The following RASAL2 variants were observed in gnomAD, a reference collection of about 807,000 sequenced individuals.
The protein encoded by RASAL2 is RAS protein activator like 2.
A neutral mutation model predicts 128.9 loss-of-function variants in RASAL2; 58 were observed. The ratio of observed to expected loss-of-function variants is 0.45; its 90% CI spans 0.36 to 0.56. The LOEUF (loss-of-function observed/expected upper bound fraction) is 0.56, where lower values mean the gene tolerates loss of function less well. RASAL2 is among the 20% of genes least tolerant of loss of function. The pLI is 0.00. For missense variants in RASAL2, 1,360 were observed against 1,601.6 expected (o/e 0.85, Z 2.57); for synonymous variants, 561 against 580.8 (o/e 0.97, Z 0.49).
intron 3 of RASAL2, among the ~76,000 whole-genome samples, chr1:178,343,263 T>C (rs1669975992): frequency 6.6e-6 from 1 of 152,180 alleles, no homozygotes; most frequent in Admixed American, 6.5e-5. Context: ...ATAGTTTCAT[T>C]ACTCCTCTCG....
intron 3 of RASAL2, chr1:178,372,113 C>T (rs1271345505): frequency 2.1e-6 from 2 of 949,558 alleles, no homozygotes; most frequent in Non-Finnish European, 2.5e-6. Flanking sequence ...CACATTTTCT[C>T]TTTCATCATT....
At chr1:178,159,050 A>C (rs1293414245) in intron 1 of RASAL2, among the ~76,000 whole-genome samples, 1 of 152,222 alleles carries the variant, frequency 6.6e-6, no homozygotes, top group Non-Finnish European at 1.5e-5. Flanking sequence ...CTTTGGAACC[A>C]ATAAAGTAAA....
chr1:178,338,857 A>G (rs1022867497), intron 3 of RASAL2, among the ~76,000 whole-genome samples: 2 of 152,206 alleles, frequency 1.3e-5, no homozygotes, highest in South Asian at 2.1e-4. Context: ...AAAAAAGCAC[A>G]TAAGTGGAAT....
intron 1 of RASAL2, among the ~76,000 whole-genome samples, chr1:178,255,407 A>G (rs1665289190): frequency 6.6e-6 from 1 of 152,188 alleles, no homozygotes; most frequent in East Asian, 1.9e-4. Flanking sequence ...ATAGAAACGT[A>G]ATATATCATA....
intron 1 of RASAL2, among the ~76,000 whole-genome samples, chr1:178,270,226 G>T (rs1422852574): frequency 6.6e-6 from 1 of 151,378 alleles, no homozygotes; most frequent in Non-Finnish European, 1.5e-5. Flanking sequence ...CAATTTTGCT[G>T]GACACTCGGG....
In RASAL2 at chr1:178,419,395, T is replaced by A. The variant is rs182257209; in HGVS notation, c.565-1116T>A. Among the ~76,000 whole-genome samples, 545 of 152,270 alleles carry A rather than the reference T, an allele frequency of 3.6e-3. 13 individuals are homozygous for A. The highest frequency in any genetic ancestry group is 9.0e-4 in the Non-Finnish European group (61 of 68,028). On this transcript the variant is annotated intron_variant, in intron 4 of 17. Coordinates refer to ENST00000367649, the MANE Select transcript of RASAL2 (RefSeq NM_170692.4). ...TTCAAGCAATCCTCCCACATCATCC[T>A]CCTGAGTAGCTGGGACTACAGGCAT...
intron 1 of RASAL2, among the ~76,000 whole-genome samples, chr1:178,167,971 A>G (rs2101905882): frequency 6.6e-6 from 1 of 152,158 alleles, no homozygotes; most frequent in Non-Finnish European, 1.5e-5. Context: ...TTACAAAAAT[A>G]ACAGTTCTTC....
At chr1:178,448,732 T>G (rs1677185576) in intron 9 of RASAL2, among the ~76,000 whole-genome samples, 1 of 152,174 alleles carries the variant, frequency 6.6e-6, no homozygotes, top group Non-Finnish European at 1.5e-5. Flanking sequence ...GACTATCTGC[T>G]TCTTTGAAAT....
intron 1 of RASAL2, among the ~76,000 whole-genome samples, chr1:178,238,014 G>GT (rs1374954654): frequency 6.6e-6 from 1 of 152,130 alleles, no homozygotes; most frequent in East Asian, 1.9e-4. Flanking sequence ...TTACAAAGCT[G>GT]TACAAGCACA....
At chr1:178,110,744 G>A (rs1419844640) in intron 1 of RASAL2, among the ~76,000 whole-genome samples, 1 of 150,132 alleles carries the variant, frequency 6.7e-6, no homozygotes, top group African/African-American at 2.4e-5. Flanking sequence ...ACACTACTAT[G>A]CCTGGCTAAT....
chr1:178,168,468 A>G lies in RASAL2; in HGVS notation c.202+73774A>G, dbSNP rs187240484. ...AGGATTGTTTTTTGTAAAGTACTTC[A>G]TGAAGGTTTGAAGTTTGTAATCAGA... is the stretch of plus-strand genomic sequence containing the variant. On this transcript the variant is annotated intron_variant, in intron 1 of 17. Coordinates refer to ENST00000367649, the MANE Select transcript of RASAL2 (RefSeq NM_170692.4). Among the ~76,000 whole-genome samples the G allele has an allele frequency of 3.3e-5, 5 of 151,986 alleles. No individual in the cohort carries two copies. In the East Asian group the frequency reaches 9.7e-4, roughly 29 times the overall value.
intron 4 of RASAL2, among the ~76,000 whole-genome samples, chr1:178,415,242 A>G (rs1674680690): frequency 6.6e-6 from 1 of 152,056 alleles, no homozygotes; most frequent in African/African-American, 2.4e-5. Flanking sequence ...ACTGCATACC[A>G]CAAAATTTAG....
intron 1 of RASAL2, among the ~76,000 whole-genome samples, chr1:178,181,828 G>A (rs1662121676): frequency 6.6e-6 from 1 of 151,716 alleles, no homozygotes; most frequent in Non-Finnish European, 1.5e-5. Flanking sequence ...TTTATTTACA[G>A]GGAGACACAA....
At chr1:178,347,520 CA>C (rs1670212799) in intron 3 of RASAL2, among the ~76,000 whole-genome samples, 1 of 152,022 alleles carries the variant, frequency 6.6e-6, no homozygotes, top group Non-Finnish European at 1.5e-5. Flanking sequence ...GCTCATTTTA[CA>C]AAAGAGGTAA....
chr1:178,323,515 A>G (rs977190187), intron 3 of RASAL2, among the ~76,000 whole-genome samples: 1 of 152,242 alleles, frequency 6.6e-6, no homozygotes, highest in African/African-American at 2.4e-5. Flanking sequence ...TATAAGCAGT[A>G]TAATCACAAC....
chr1:178,251,432 G>A (rs1009497305), intron 1 of RASAL2, among the ~76,000 whole-genome samples: 2 of 152,148 alleles, frequency 1.3e-5, no homozygotes, highest in African/African-American at 4.8e-5. Flanking sequence ...CTTAAGAAAT[G>A]TAGATACTTG....
At chr1:178,355,220 T>C (rs1215901853) in intron 3 of RASAL2, among the ~76,000 whole-genome samples, 1 of 152,234 alleles carries the variant, frequency 6.6e-6, no homozygotes, top group Non-Finnish European at 1.5e-5. Flanking sequence ...GGACTTGCTC[T>C]GTCAGCTATT....
rs1044785459 is a variant in RASAL2, at chr1:178,268,023, G to GT, written c.203-15530dup. On this transcript the variant is annotated intron_variant, in intron 1 of 17. Transcript: ENST00000367649. ...CTCCAGTAGTTAGTTGTTGTTTTTT[G>GT]TTTTTTTTTTTAAGAGACAAGGTCT... Among the ~76,000 whole-genome samples the GT allele has an allele frequency of 2.5e-3, 349 of 137,614 alleles. 2 individuals carry two copies. The highest frequency in any genetic ancestry group is 6.0e-3 in the African/African-American group (227 of 37,572). The allele number at this position is 137,614 out of a possible 152,430, so 90.3% of individuals were successfully genotyped here.
At chr1:178,283,873 T>G (rs1371952555) in intron 2 of RASAL2, among the ~76,000 whole-genome samples, 182 bp downstream of exon 2, 1 of 152,162 alleles carries the variant, frequency 6.6e-6, no homozygotes, top group Non-Finnish European at 1.5e-5. Flanking sequence ...GGAGTGGGTT[T>G]CACAAGATAG....
Sources: allele counts gnomAD v4.1 joint callset (sites outside exome capture counted in the v4.1 genomes callset), GRCh38; gene constraint gnomAD v4.1.1; transcripts MANE v1.5; gene names NCBI Gene and HGNC (gene_info 2026-07-23, HGNC 2026-07-21).